PIBF1: variants seen among roughly 807,000 people sequenced by gnomAD.
PIBF1 encodes progesterone immunomodulatory binding factor 1, also known as progesterone-induced-blocking factor 1.
PIBF1 carries 90 observed loss-of-function variants against 112.5 expected under a neutral mutation model. The ratio of observed to expected loss-of-function variants is 0.80; its 90% confidence interval spans 0.67 to 0.95. The LOEUF (loss-of-function observed/expected upper bound fraction) is 0.95. PIBF1 is among the 40% of genes least tolerant of loss of function. The pLI is 0.00. For missense variants in PIBF1, 915 were observed against 852.3 expected, an observed-to-expected ratio of 1.07 and a Z score of -0.92; for synonymous variants, 301 against 288.6, an observed-to-expected ratio of 1.04 and a Z score of -0.44.
At chr13:72,927,964 TATATATATATATAC>T (rs1274974943) in intron 13 of PIBF1, among the ~76,000 whole-genome samples, 45 of 82,152 alleles carry the variant, frequency 5.5e-4, no homozygotes, top group Non-Finnish European at 9.0e-4. Flanking sequence ...TATATACACA[TATATATATATATAC>T]ATATATATAT....
At chr13:72,898,129 G>C (rs954900543) in intron 11 of PIBF1, among the ~76,000 whole-genome samples, 5 of 152,090 alleles carry the variant, frequency 3.3e-5, no homozygotes, top group African/African-American at 1.2e-4. Flanking sequence ...GACTGCAGTG[G>C]AATAAAACTG....
At chr13:72,872,443 A>T (rs2039208373) in intron 10 of PIBF1, among the ~76,000 whole-genome samples, 1 of 152,202 alleles carries the variant, frequency 6.6e-6, no homozygotes, top group Non-Finnish European at 1.5e-5. Context: ...TAGAGTTGAC[A>T]TATAAGAATA....
chr13:72,842,340 T>C (rs899012446), intron 9 of PIBF1, among the ~76,000 whole-genome samples: 1 of 152,146 alleles, frequency 6.6e-6, no homozygotes, highest in Non-Finnish European at 1.5e-5. Flanking sequence ...AATCTGGAAA[T>C]TGAAATAGCT....
At chr13:72,843,277 A>G (rs1210374026) in intron 9 of PIBF1, among the ~76,000 whole-genome samples, 3 of 152,214 alleles carry the variant, frequency 2.0e-5, no homozygotes, top group Non-Finnish European at 4.4e-5. Context: ...AGAGAAAATG[A>G]TGGATGAATT....
At chr13:73,013,814 A>G (rs1272024626) in intron 17 of PIBF1, among the ~76,000 whole-genome samples, 5 of 152,086 alleles carry the variant, frequency 3.3e-5, no homozygotes, top group Non-Finnish European at 5.9e-5. Context: ...TAGAGAAGCA[A>G]AGGTAAGGAT....
intron 10 of PIBF1, among the ~76,000 whole-genome samples, chr13:72,882,768 T>C (rs2138506817): frequency 6.6e-6 from 1 of 152,318 alleles, no homozygotes; most frequent in South Asian, 2.1e-4. Flanking sequence ...AAAGGGCATT[T>C]ATCCAAAAGA....
intron 6 of PIBF1, among the ~76,000 whole-genome samples, chr13:72,822,880 C>G (rs1025952688): frequency 6.6e-6 from 1 of 152,242 alleles, no homozygotes; most frequent in South Asian, 2.1e-4. Context: ...AGCTTTAAAT[C>G]CATGAGAGCT....
At chr13:72,849,851 T>C (rs1305947258) in intron 9 of PIBF1, among the ~76,000 whole-genome samples, 1 of 152,212 alleles carries the variant, frequency 6.6e-6, no homozygotes, top group Non-Finnish European at 1.5e-5. Flanking sequence ...AACCTCTTTG[T>C]GTTTTAGTCT....
chr13:72,783,103 T>C (rs2138284380), intron 1 of PIBF1, among the ~76,000 whole-genome samples: 1 of 152,338 alleles, frequency 6.6e-6, no homozygotes, highest in East Asian at 1.9e-4. Context: ...TCTGTTATCT[T>C]TGAGCATGTG....
chr13:72,882,662 G>A (rs995706179), intron 10 of PIBF1, among the ~76,000 whole-genome samples: 4 of 152,138 alleles, frequency 2.6e-5, no homozygotes, highest in African/African-American at 7.2e-5. Context: ...GAAGGCATAC[G>A]TATGGTAAAC....
At chr13:72,804,444 T>C (rs574263072) in intron 5 of PIBF1, among the ~76,000 whole-genome samples, 3 of 152,280 alleles carry the variant, frequency 2.0e-5, no homozygotes, top group Admixed American at 1.3e-4. Context: ...CTGATGGTAA[T>C]CAACTGGGAG....
At chr13:72,995,666 A>G (rs1456313926) in intron 16 of PIBF1, among the ~76,000 whole-genome samples, 1 of 152,046 alleles carries the variant, frequency 6.6e-6, no homozygotes, top group Non-Finnish European at 1.5e-5. Context: ...TGAAAAAGAA[A>G]AGAGGCTGGG....
At chr13:72,942,613 A>G (rs1258579127) in intron 14 of PIBF1, among the ~76,000 whole-genome samples, 1 of 152,208 alleles carries the variant, frequency 6.6e-6, no homozygotes, top group Non-Finnish European at 1.5e-5. Context: ...AGCAATTATA[A>G]GATGTATGCT....
At chr13:73,010,615 T>G (rs1422359932) in intron 17 of PIBF1, among the ~76,000 whole-genome samples, 1 of 151,520 alleles carries the variant, frequency 6.6e-6, no homozygotes, top group African/African-American at 2.4e-5. Flanking sequence ...AATAAATAAA[T>G]AAATAAAGAA....
chr13:72,926,395 A>C (rs1467307770), intron 13 of PIBF1, among the ~76,000 whole-genome samples: 2 of 152,238 alleles, frequency 1.3e-5, no homozygotes, highest in Non-Finnish European at 2.9e-5. Flanking sequence ...TTTAACATTA[A>C]AATAAATGTA....
chr13:72,863,165 A>G (rs544850844), intron 10 of PIBF1, among the ~76,000 whole-genome samples: 2 of 152,306 alleles, frequency 1.3e-5, no homozygotes, highest in East Asian at 1.9e-4. Context: ...AAAAAGATCA[A>G]TCACAGGCTA....
intron 11 of PIBF1, among the ~76,000 whole-genome samples, chr13:72,899,552 A>G (rs2040408177): frequency 6.6e-6 from 1 of 152,218 alleles, no homozygotes; most frequent in Non-Finnish European, 1.5e-5. Context: ...ACAGCGTTAG[A>G]CAAAATCCAG....
intron 10 of PIBF1, among the ~76,000 whole-genome samples, chr13:72,878,219 T>C (rs1336838157): frequency 2.6e-5 from 4 of 152,134 alleles, no homozygotes; most frequent in Non-Finnish European, 5.9e-5. Context: ...AATTTACTCT[T>C]TTTTTTCTAG....
chr13:72,964,070 A>G (rs1387485233), intron 14 of PIBF1, among the ~76,000 whole-genome samples: 1 of 152,236 alleles, frequency 6.6e-6, no homozygotes, highest in Non-Finnish European at 1.5e-5. Flanking sequence ...CAATAGCCAA[A>G]CAGTGGAAAC....
Sources: allele counts gnomAD v4.1 joint callset (sites outside exome capture counted in the v4.1 genomes callset), GRCh38; gene constraint gnomAD v4.1.1; transcripts MANE v1.5; gene names NCBI Gene and HGNC (gene_info 2026-07-23, HGNC 2026-07-21).